Variants in ZWILCH observed in about 807,000 individuals in gnomAD.
ZWILCH encodes the protein protein zwilch homolog.
A neutral mutation model predicts 79.9 loss-of-function variants in ZWILCH; 74 were observed. The ratio of observed to expected loss-of-function variants is 0.93; its 90% CI spans 0.77 to 1.12. The LOEUF (loss-of-function observed/expected upper bound fraction) is 1.12. Ranked by LOEUF, ZWILCH falls within the 50% of genes most tolerant of loss-of-function variation. The probability of loss-of-function intolerance (pLI) is 0.00; values close to 1 mark genes in which losing one functional copy is unlikely to be tolerated. For synonymous variants in ZWILCH, 241 were observed against 228.2 expected (o/e 1.06, Z -0.51); for missense variants, 694 against 687.5 (o/e 1.01, Z -0.11).
chr15:66,517,430 G>GTGTGTGTGTGTGTGTGTGTATATA, intron 4 of ZWILCH, among the ~76,000 whole-genome samples: 5 of 66,514 alleles, frequency 7.5e-5, no homozygotes, highest in Non-Finnish European at 8.8e-5. Context: ...GTGTGTGTGT[G>GTGTGTGTGTGTGTGTGTGTATATA]TATATATATA....
At chr15:66,517,751 T>TG in intron 4 of ZWILCH, among the ~76,000 whole-genome samples, 1 of 66,964 alleles carries the variant, frequency 1.5e-5, no homozygotes, top group African/African-American at 7.8e-5. Flanking sequence ...TTTTTTTTTT[T>TG]TGAGACAGAG....
chr15:66,516,218 A>G (rs1894249555), intron 4 of ZWILCH, among the ~76,000 whole-genome samples: 2 of 152,182 alleles, frequency 1.3e-5, no homozygotes, highest in Non-Finnish European at 2.9e-5. Context: ...CTGCACAATG[A>G]GCAGTTATCT....
rs1198934288 is a variant in ZWILCH at position 66,517,940 on chromosome 15, T to C, written c.321-939T>C. ...TAGAGACGGGGTTTCACCATGTTGG[T>C]CAGGCTGGTCTCGAACTCCTGACCT... On this transcript the variant is annotated intron_variant, in intron 4 of 18. Transcript: ENST00000307897. Among the ~76,000 whole-genome samples, 10 of 151,102 alleles carry C rather than the reference T, an allele frequency of 6.6e-5. No individual in the cohort carries two copies. The East Asian group carries it at 1.8e-3, about 27-fold the overall frequency.
rs541200061 is a variant in ZWILCH, at chr15:66,526,011, GTC to G, written c.820-1276_820-1275del. On this transcript the variant is annotated intron_variant, in intron 8 of 18. Coordinates refer to ENST00000307897, the MANE Select transcript of ZWILCH (RefSeq NM_017975.5). Reference sequence around the variant, plus strand: ...ACTCCTGACCTCAAGTGATCCACCTGTCTCGGCCACCCAAAGTGCTGGGATTA... The same window carrying G: ...ACTCCTGACCTCAAGTGATCCACCTGTCGGCCACCCAAAGTGCTGGGATTA... Among the ~76,000 whole-genome samples the G allele has an allele frequency of 1.8e-3, 273 of 152,054 alleles. 1 individual carries two copies. Among genetic ancestry groups the G allele is most frequent in the African/African-American group, 6.1e-3 (255 of 41,482 alleles).
At position 66,529,447 on chromosome 15, in the gene ZWILCH, C is replaced by G. The variant is rs533624846; in HGVS notation, c.1076-47C>G. 2.2e-5 allele frequency: 29 copies of G among 1,319,980 alleles called. No homozygotes were observed. The East Asian group carries it at 6.7e-4, about 31-fold the overall frequency. The allele number at this position is 1,319,980 out of a possible 1,614,324, so 81.8% of individuals were successfully genotyped here. The stretch of plus-strand genomic sequence containing the variant: ...CCTTAAGATTAATGATATATTTGAT[C>G]TGTAGAAATACCCTGAAAATAATGT... On this transcript the variant is annotated intron_variant, in intron 11 of 18. Coordinates refer to ENST00000307897, the MANE Select transcript of ZWILCH (RefSeq NM_017975.5).
At chr15:66,522,265 G>A (rs1894522800) in intron 7 of ZWILCH, among the ~76,000 whole-genome samples, 1 of 151,494 alleles carries the variant, frequency 6.6e-6, no homozygotes, top group South Asian at 2.1e-4. Context: ...CGATATAACT[G>A]TGTTTCCAAA....
intron 8 of ZWILCH, among the ~76,000 whole-genome samples, chr15:66,524,804 C>T (rs1275782363): frequency 6.6e-6 from 1 of 151,960 alleles, no homozygotes; most frequent in Non-Finnish European, 1.5e-5. Context: ...GATAGTTTTC[C>T]TACCTTTCTC....
chr15:66,517,430 G>GTGTGTGTGTATATATATATATA lies in ZWILCH; in HGVS notation c.321-1448_321-1447insGTGTGTGTATATATATATATAT. ...TGTTTGTGTGTGCGTGTGTGTGTGTGTATATATATATATATATATATATAT... is the reference window on the plus strand; with the variant it reads ...TGTTTGTGTGTGCGTGTGTGTGTGTGTGTGTGTGTATATATATATATATATATATATATATATATATATATAT... On this transcript the variant is annotated intron_variant, in intron 4 of 18. Coordinates refer to ENST00000307897, the MANE Select transcript of ZWILCH (RefSeq NM_017975.5). Among the ~76,000 whole-genome samples, 569 of 66,334 alleles carry GTGTGTGTGTATATATATATATA rather than the reference G, an allele frequency of 8.6e-3. 9 individuals carry two copies. Among genetic ancestry groups the GTGTGTGTGTATATATATATATA allele is most frequent in the South Asian group, 0.02 (40 of 2,030 alleles). 43.5% of individuals were successfully genotyped at this position (66,334 alleles called of 152,430 possible).
chr15:66,516,099 TGGAAATATA>T (rs1894244425), intron 4 of ZWILCH, among the ~76,000 whole-genome samples: 1 of 152,184 alleles, frequency 6.6e-6, no homozygotes, highest in Non-Finnish European at 1.5e-5. Context: ...CAGAGGGAAT[TGGAAATATA>T]GGGGAGTATT....
In ZWILCH at chr15:66,535,916, A is replaced by G; in HGVS notation, c.1342-17A>G. The G allele has an allele frequency of 6.3e-7, 1 of 1,588,064 alleles. No homozygotes were observed. Among genetic ancestry groups the G allele is most frequent in the Non-Finnish European group, 8.5e-7 (1 of 1,171,920 alleles). ...GGTGCTTTAAATCTCTATTTTGCTT[A>G]TATTTTTTCATTCCAGGAATACTTC... On this transcript the variant is annotated splice_polypyrimidine_tract_variant and intron_variant, in intron 14 of 18. Coordinates refer to ENST00000307897, the MANE Select transcript of ZWILCH (RefSeq NM_017975.5).
At chr15:66,510,204 T>A (rs1158983934) in intron 2 of ZWILCH, among the ~76,000 whole-genome samples, 3 of 138,538 alleles carry the variant, frequency 2.2e-5, no homozygotes, top group Non-Finnish European at 4.7e-5. Flanking sequence ...TAAAATAAAA[T>A]AAATAAAATA....
At chr15:66,525,577 T>C (rs1346668979) in intron 8 of ZWILCH, among the ~76,000 whole-genome samples, 1 of 152,170 alleles carries the variant, frequency 6.6e-6, no homozygotes, top group Non-Finnish European at 1.5e-5. Flanking sequence ...ATGCTAATGA[T>C]GATTCATTGT....
intron 1 of ZWILCH, 27 bp downstream of exon 1, chr15:66,505,418 G>C: frequency 1.2e-6 from 2 of 1,613,466 alleles, no homozygotes; most frequent in Non-Finnish European, 1.7e-6. Context: ...CTTTTGGCTG[G>C]GGTCCTGGGA....
intron 3 of ZWILCH, 121 bp from the exon 4 acceptor site, chr15:66,515,405 T>C (rs1894214188): frequency 1.5e-6 from 1 of 675,376 alleles, no homozygotes; most frequent in Non-Finnish European, 2.5e-6. Flanking sequence ...TCATTTGTGC[T>C]TAAGGGTATA....
intron 12 of ZWILCH, among the ~76,000 whole-genome samples, chr15:66,530,613 G>C (rs185368482): frequency 3.9e-5 from 6 of 152,188 alleles, no homozygotes; most frequent in Non-Finnish European, 7.4e-5. Flanking sequence ...CTCCAGCCTG[G>C]GCAACAGAGT....
Position 66,505,376 on chromosome 15 carries a change from A to T in ZWILCH, c.38A>T (p.Tyr13Phe), listed in dbSNP as rs773838464. The T allele has an allele frequency of 1.2e-6, 2 of 1,614,158 alleles. No homozygotes were observed. The highest frequency in any genetic ancestry group is 8.5e-7 in the Non-Finnish European group (1 of 1,180,008). ...ERLNCAAEDF[Y>F]SRLLQKFNEE... ...CTGAACTGCGCAGCAGAGGACTTTT[A>T]TTCTCGTCTCCTTCAGTGAGTCTAG... The change falls in exon 1 of 19, where the codon TAT becomes TTT. Residue 13 changes from tyrosine (Y) to phenylalanine (F), a missense_variant. Coordinates refer to ENST00000307897, the MANE Select transcript of ZWILCH (RefSeq NM_017975.5).
At chr15:66,512,298 G>T (rs1894096877) in intron 2 of ZWILCH, among the ~76,000 whole-genome samples, 1 of 151,948 alleles carries the variant, frequency 6.6e-6, no homozygotes, top group African/African-American at 2.4e-5. Flanking sequence ...TTACTCTGTT[G>T]CCCAGGCTGA....
intron 16 of ZWILCH, among the ~76,000 whole-genome samples, chr15:66,537,808 T>C (rs1202970862): frequency 6.6e-6 from 1 of 152,198 alleles, no homozygotes; most frequent in African/African-American, 2.4e-5. Context: ...GACCCAGAGC[T>C]TCGTCACCTC....
At chr15:66,509,851 A>AATTATGTGTGTGTGTGGC (rs1410647737) in intron 2 of ZWILCH, among the ~76,000 whole-genome samples, 1 of 91,974 alleles carries the variant, frequency 1.1e-5, no homozygotes, top group Non-Finnish European at 2.3e-5. Flanking sequence ...ATATATATAT[A>AATTATGTGTGTGTGTGGC]TATATATATA....
Sources: gnomAD v4.1 joint callset for allele counts (sites outside exome capture counted in the v4.1 genomes callset) on GRCh38, gnomAD v4.1.1 for gene constraint, MANE v1.5 for transcripts, NCBI Gene and HGNC (gene_info 2026-07-23, HGNC 2026-07-21) for gene names.